The following TENM3 variants were observed in gnomAD, a reference collection of about 807,000 sequenced individuals.
The protein encoded by TENM3 is teneurin-3.
A neutral mutation model predicts 255.1 loss-of-function variants in TENM3; 63 were observed. The ratio of observed to expected loss-of-function variants is 0.25; its 90% confidence interval spans 0.20 to 0.30. The LOEUF (loss-of-function observed/expected upper bound fraction) is 0.30, where lower values mean the gene tolerates loss of function less well. Among genes scored for constraint, TENM3 ranks in the 10% least tolerant of loss-of-function variants. The pLI is 1.00. For missense variants in TENM3, 2,929 were observed against 3,461.1 expected, an observed-to-expected ratio of 0.85 and a Z score of 3.86; for synonymous variants, 1,306 against 1,322.3, an observed-to-expected ratio of 0.99 and a Z score of 0.27.
chr4:182,137,338 C>A, the TENM3 span, among the ~76,000 whole-genome samples: 1 of 145,206 alleles, frequency 6.9e-6, no homozygotes, highest in Non-Finnish European at 1.5e-5. Flanking sequence ...CCACCTCCCC[C>A]CCCCCAAAAA....
chr4:181,582,684 AAAG>A, the TENM3 span, among the ~76,000 whole-genome samples: 21,900 of 139,546 alleles, frequency 0.16, 1,687 homozygotes, highest in Non-Finnish European at 0.19. Context: ...AAAAAAAAAA[AAAG>A]AAAGAAAGAA....
chr4:181,880,398 A>G, the TENM3 span, among the ~76,000 whole-genome samples: 1 of 152,236 alleles, frequency 6.6e-6, no homozygotes, highest in Admixed American at 6.5e-5. Flanking sequence ...GCAAATGTTA[A>G]TTAACAAATA....
the TENM3 span, among the ~76,000 whole-genome samples, chr4:182,112,918 AC>A: frequency 1.3e-5 from 2 of 152,172 alleles, no homozygotes; most frequent in Admixed American, 6.5e-5. Context: ...GGCCTGCTCT[AC>A]TGCTAACAGT....
intron 3 of TENM3, among the ~76,000 whole-genome samples, chr4:182,372,056 A>G (rs1033257307): frequency 6.6e-6 from 1 of 152,246 alleles, no homozygotes; most frequent in Non-Finnish European, 1.5e-5. Context: ...GGTGTTATAT[A>G]GATAAATTAT....
chr4:181,717,068 T>A, the TENM3 span, among the ~76,000 whole-genome samples: 1 of 152,168 alleles, frequency 6.6e-6, no homozygotes, highest in Non-Finnish European at 1.5e-5. Context: ...CCTTAGCACA[T>A]ATCATGTGTT....
chr4:181,721,620 AAAAAAG>A, the TENM3 span, among the ~76,000 whole-genome samples: 1 of 148,658 alleles, frequency 6.7e-6, no homozygotes, highest in Non-Finnish European at 1.5e-5. Flanking sequence ...AAAAAAAAAA[AAAAAAG>A]AAGTGGAGTG....
intron 1 of TENM3, among the ~76,000 whole-genome samples, chr4:182,177,126 C>T (rs540130962): frequency 2.2e-4 from 33 of 152,178 alleles, no homozygotes; most frequent in Middle Eastern, 3.4e-3. Flanking sequence ...GGGACCCGCA[C>T]GGAGCAGAAG....
the TENM3 span, among the ~76,000 whole-genome samples, chr4:182,007,111 G>A: frequency 3.3e-5 from 5 of 152,198 alleles, no homozygotes; most frequent in South Asian, 6.2e-4. Context: ...TATGATTTCA[G>A]TTCTTCTGCA....
chr4:181,987,574 T>C, the TENM3 span, among the ~76,000 whole-genome samples: 1 of 152,124 alleles, frequency 6.6e-6, no homozygotes, highest in African/African-American at 2.4e-5. Flanking sequence ...TCTCTCAATA[T>C]GCGTAGAGTG....
intron 3 of TENM3, among the ~76,000 whole-genome samples, chr4:182,556,428 C>A (rs1347508746): frequency 2.0e-5 from 3 of 152,160 alleles, no homozygotes; most frequent in Non-Finnish European, 4.4e-5. Flanking sequence ...GCATTACAAA[C>A]TCAACTATGC....
the TENM3 span, among the ~76,000 whole-genome samples, chr4:181,462,188 T>C: frequency 0.76 from 114,952 of 152,116 alleles, 43,704 homozygotes; most frequent in African/African-American, 0.84. Context: ...TTTTAGATGG[T>C]GAGAACAGAA....
the TENM3 span, among the ~76,000 whole-genome samples, chr4:181,686,313 G>A: frequency 1.1e-4 from 17 of 152,088 alleles, no homozygotes; most frequent in African/African-American, 4.1e-4. Context: ...ATAATTCCTT[G>A]TTTCAGAAGA....
chr4:181,815,851 A>G, the TENM3 span, among the ~76,000 whole-genome samples: 3 of 152,340 alleles, frequency 2.0e-5, no homozygotes, highest in African/African-American at 2.4e-5. Context: ...TAAAACTGTG[A>G]AAAACAAACC....
intron 2 of TENM3, among the ~76,000 whole-genome samples, chr4:182,343,177 C>T (rs1764592253): frequency 1.3e-5 from 2 of 152,190 alleles, no homozygotes; most frequent in Admixed American, 1.3e-4. Flanking sequence ...AACAAAAATG[C>T]CTAATATAAT....
intron 22 of TENM3, among the ~76,000 whole-genome samples, chr4:182,759,381 A>T (rs1160948530): frequency 1.3e-5 from 2 of 152,238 alleles, no homozygotes; most frequent in African/African-American, 4.8e-5. Context: ...GGCATTTGCC[A>T]ACGCTCCACT....
intron 1 of TENM3, among the ~76,000 whole-genome samples, chr4:182,227,163 A>T (rs766631361): frequency 3.9e-5 from 6 of 152,148 alleles, no homozygotes; most frequent in Non-Finnish European, 7.3e-5. Flanking sequence ...TTTTCTTTCA[A>T]GTTTCACACT....
At chr4:181,643,088 C>G in the TENM3 span, among the ~76,000 whole-genome samples, 265 of 152,258 alleles carry the variant, frequency 1.7e-3, 9 homozygotes, top group East Asian at 0.047. Flanking sequence ...CCATAAATTA[C>G]TTTGGGCAGT....
the TENM3 span, among the ~76,000 whole-genome samples, chr4:181,891,726 G>A: frequency 0.13 from 19,159 of 152,112 alleles, 1,509 homozygotes; most frequent in Non-Finnish European, 0.18. Context: ...TACAGAACAC[G>A]TCCAATCAGG....
the TENM3 span, among the ~76,000 whole-genome samples, chr4:181,791,803 A>C: frequency 6.6e-6 from 1 of 152,066 alleles, no homozygotes; most frequent in Non-Finnish European, 1.5e-5. Flanking sequence ...ATGAAGCTCA[A>C]ATCAGACAGA....
Sources: gnomAD v4.1 joint callset for allele counts (sites outside exome capture counted in the v4.1 genomes callset) on GRCh38, gnomAD v4.1.1 for gene constraint, MANE v1.5 for transcripts, NCBI Gene and HGNC (gene_info 2026-07-23, HGNC 2026-07-21) for gene names.